Variants in TAF15 observed in about 807,000 individuals in gnomAD.
TAF15 encodes TATA-box binding protein associated factor 15.
In TAF15, 37 loss-of-function variants were observed where a neutral mutation model predicts 102.5. That is an observed-to-expected ratio of 0.36 (90% CI 0.28 to 0.47). TAF15 has a LOEUF of 0.47. Ranked by LOEUF, TAF15 falls within the 20% of genes least tolerant of loss-of-function variation. TAF15 has a pLI of 0.99. For synonymous variants in TAF15, 273 were observed against 259.2 expected (o/e 1.05, Z -0.51); for missense variants, 652 against 760.7 (o/e 0.86, Z 1.68).
chr17:35,819,348 G>T (rs1170047046), intron 2 of TAF15, among the ~76,000 whole-genome samples: 2 of 152,142 alleles, frequency 1.3e-5, no homozygotes, highest in African/African-American at 4.8e-5. Context: ...TTTCTGACTT[G>T]TTAGAGCTTA....
At chr17:35,843,792 A>G (rs1343124628) in intron 12 of TAF15, among the ~76,000 whole-genome samples, 2 of 152,342 alleles carry the variant, frequency 1.3e-5, no homozygotes, top group Middle Eastern at 3.4e-3. Context: ...TTTGGTCCCA[A>G]GTATTTGGGG....
rs548941410 is a variant in TAF15, at chr17:35,809,630, T to G, written c.7+54T>G. ...AGCGACGAGAAGGTCCTGGCGGGGT[T>G]GGGCTGTCTTCCCGCCCACCGGAGG... On this transcript the variant is annotated intron_variant, in intron 1 of 15. Transcript: ENST00000605844. 59 of 1,611,830 alleles carry G rather than the reference T, an allele frequency of 3.7e-5. No individual in the cohort carries two copies. The East Asian group carries it at 1.2e-3, about 32-fold the overall frequency.
chr17:35,822,170 C>T (rs369440455), intron 5 of TAF15, among the ~76,000 whole-genome samples: 5 of 151,802 alleles, frequency 3.3e-5, no homozygotes, highest in East Asian at 1.9e-4. Flanking sequence ...GGAGAAACCC[C>T]GTCTCTACTA....
intron 5 of TAF15, among the ~76,000 whole-genome samples, chr17:35,822,234 G>A (rs577355315): frequency 2.6e-5 from 4 of 151,846 alleles, no homozygotes; most frequent in South Asian, 2.1e-4. Flanking sequence ...TGAGCTACTC[G>A]GGAGGCTGAG....
intron 8 of TAF15, 96 bp downstream of exon 8, chr17:35,834,037 C>T: frequency 2.3e-6 from 3 of 1,294,686 alleles, no homozygotes; most frequent in Non-Finnish European, 3.3e-6. Context: ...TCCTTTCTTA[C>T]TCTGTTGAGG....
intron 15 of TAF15, among the ~76,000 whole-genome samples, chr17:35,846,231 T>A (rs2087621817): frequency 6.6e-6 from 1 of 152,246 alleles, no homozygotes; most frequent in South Asian, 2.1e-4. Context: ...CTGTGTGATC[T>A]TAGGAAAGTT....
intron 7 of TAF15, among the ~76,000 whole-genome samples, chr17:35,832,678 A>G (rs559825017): frequency 6.6e-5 from 10 of 152,210 alleles, no homozygotes; most frequent in Non-Finnish European, 1.5e-4. Context: ...ATCTGGTATC[A>G]GAAAACTTGA....
chr17:35,844,586 A>ACAGAAGTGGGGGTGGCTATGGTGGG lies in TAF15; in HGVS notation c.1287_1288insCAGAAGTGGGGGTGGCTATGGTGGG (p.Asp430GlnfsTer20). 1.9e-6 allele frequency: 3 copies of ACAGAAGTGGGGGTGGCTATGGTGGG among 1,598,536 alleles called. No individual in the cohort carries two copies. Among genetic ancestry groups the ACAGAAGTGGGGGTGGCTATGGTGGG allele is most frequent in the Non-Finnish European group, 2.6e-6 (3 of 1,173,556 alleles). ...ACAGAAGTGGGGGTGGCTATGGTGG[A>ACAGAAGTGGGGGTGGCTATGGTGGG]GACAGAAGCAGCGGTGGTGGCTACA... On this transcript the variant is annotated frameshift_variant, in exon 15 of 16. Coordinates refer to ENST00000605844, the MANE Select transcript of TAF15 (RefSeq NM_139215.3). LOFTEE classifies it high-confidence loss of function.
At chr17:35,834,272 T>C (rs1289825142) in intron 8 of TAF15, 4 of 412,680 alleles carry the variant, frequency 9.7e-6, no homozygotes, top group South Asian at 8.8e-5. Flanking sequence ...TTTTAAATTA[T>C]TAGGGTTGTC....
intron 10 of TAF15, 107 bp from the exon 11 acceptor site, chr17:35,838,317 A>G: frequency 2.1e-6 from 3 of 1,442,900 alleles, no homozygotes; most frequent in Non-Finnish European, 2.9e-6. Context: ...ATTTTATAGT[A>G]TGAATGTGTG....
chr17:35,839,859 G>A (rs2087522631), intron 11 of TAF15, among the ~76,000 whole-genome samples: 1 of 152,008 alleles, frequency 6.6e-6, no homozygotes. Context: ...ACATTTAAAG[G>A]TAGTCATTTC....
intron 9 of TAF15, 77 bp downstream of exon 9, chr17:35,834,675 G>A: frequency 7.1e-7 from 1 of 1,401,756 alleles, no homozygotes; most frequent in Non-Finnish European, 1.0e-6. Flanking sequence ...GTGTGTGTTT[G>A]GAGGGGCTTA....
At chr17:35,840,487 C>T (rs955949799) in intron 11 of TAF15, among the ~76,000 whole-genome samples, 4 of 150,072 alleles carry the variant, frequency 2.7e-5, no homozygotes, top group African/African-American at 7.4e-5. Flanking sequence ...CTCCTGACCT[C>T]GTGATCCACC....
At chr17:35,818,460 G>A (rs2087220802) in intron 2 of TAF15, 1 of 151,864 alleles carries the variant, frequency 6.6e-6, no homozygotes, top group Non-Finnish European at 1.5e-5. Flanking sequence ...AAATCTCCTT[G>A]GTATTGTAAA....
At chr17:35,810,461 G>C (rs1020493680) in intron 1 of TAF15, 3 of 152,222 alleles carry the variant, frequency 2.0e-5, no homozygotes, top group Admixed American at 6.5e-5. Flanking sequence ...AAAAAGTCTA[G>C]AACATGGATG....
intron 1 of TAF15, among the ~76,000 whole-genome samples, chr17:35,813,840 G>A (rs1021984400): frequency 6.6e-6 from 1 of 152,044 alleles, no homozygotes; most frequent in African/African-American, 2.4e-5. Flanking sequence ...AGGTTATGAA[G>A]TACCAGTAAC....
intron 7 of TAF15, among the ~76,000 whole-genome samples, chr17:35,824,855 G>A (rs1217457665): frequency 6.6e-6 from 1 of 151,920 alleles, no homozygotes; most frequent in Non-Finnish European, 1.5e-5. Flanking sequence ...TTTACTTACA[G>A]CATATGTTAT....
chr17:35,829,190 T>C, intron 7 of TAF15, among the ~76,000 whole-genome samples: 1 of 152,200 alleles, frequency 6.6e-6, no homozygotes, highest in East Asian at 1.9e-4. Context: ...AGCTAACCTT[T>C]CTCCATTTTT....
chr17:35,831,128 C>T (rs916241469), intron 7 of TAF15, among the ~76,000 whole-genome samples: 10 of 152,228 alleles, frequency 6.6e-5, no homozygotes, highest in Non-Finnish European at 1.3e-4. Flanking sequence ...CAAGGCCGGG[C>T]GCAGTGACTC....
Sources: gnomAD v4.1 joint callset for allele counts (sites outside exome capture counted in the v4.1 genomes callset) on GRCh38, gnomAD v4.1.1 for gene constraint, MANE v1.5 for transcripts, NCBI Gene and HGNC (gene_info 2026-07-23, HGNC 2026-07-21) for gene names.